The following BCL2 variants were observed in gnomAD, a reference collection of about 807,000 sequenced individuals.
BCL2 encodes BCL2 apoptosis regulator, also known as apoptosis regulator Bcl-2.
A neutral mutation model predicts 14.2 loss-of-function variants in BCL2; 1 was observed. That is an observed-to-expected ratio of 0.07 (90% CI 0.02 to 0.33). The LOEUF is 0.33. Among genes scored for constraint, BCL2 ranks in the 10% least tolerant of loss-of-function variants. BCL2 has a pLI of 0.99. For missense variants in BCL2, 247 were observed against 305.9 expected (o/e 0.81, Z 1.44); for synonymous variants, 151 against 137.2 (o/e 1.10, Z -0.70).
intron 2 of BCL2, among the ~76,000 whole-genome samples, chr18:63,309,174 T>G (rs1913231160): frequency 6.6e-6 from 1 of 152,118 alleles, no homozygotes; most frequent in African/African-American, 2.4e-5. Flanking sequence ...AAAGGTGGGG[T>G]GCAAACAACA....
intron 2 of BCL2, among the ~76,000 whole-genome samples, chr18:63,255,123 C>G (rs2144214585): frequency 6.6e-6 from 1 of 152,288 alleles, no homozygotes; most frequent in African/African-American, 2.4e-5. Context: ...ATCATGACCT[C>G]CATTTTACTG....
At chr18:63,192,722 A>G (rs1361971699) in intron 2 of BCL2, among the ~76,000 whole-genome samples, 4 of 151,208 alleles carry the variant, frequency 2.6e-5, no homozygotes, top group South Asian at 2.1e-4. Context: ...GACCTACATC[A>G]TCAAGACCTC....
intron 2 of BCL2, among the ~76,000 whole-genome samples, chr18:63,253,983 G>A (rs1054171340): frequency 5.4e-5 from 8 of 148,988 alleles, no homozygotes; most frequent in Admixed American, 1.3e-4. Flanking sequence ...TTTCTTTTAC[G>A]TTCTTGAAAT....
At chr18:63,296,881 A>G (rs1331964898) in intron 2 of BCL2, among the ~76,000 whole-genome samples, 1 of 152,242 alleles carries the variant, frequency 6.6e-6, no homozygotes, top group Non-Finnish European at 1.5e-5. Flanking sequence ...TGTGCAATAA[A>G]TGGTTAGCAG....
chr18:63,266,763 C>T (rs1911845135), intron 2 of BCL2, among the ~76,000 whole-genome samples: 1 of 151,970 alleles, frequency 6.6e-6, no homozygotes, highest in African/African-American at 2.4e-5. Flanking sequence ...AGCTGCTTCA[C>T]CACTCAAGCA....
At chr18:63,278,709 T>C (rs1208691218) in intron 2 of BCL2, among the ~76,000 whole-genome samples, 1 of 152,144 alleles carries the variant, frequency 6.6e-6, no homozygotes, top group Non-Finnish European at 1.5e-5. Flanking sequence ...CCTCTACCTA[T>C]CACAATGTTC....
intron 2 of BCL2, among the ~76,000 whole-genome samples, chr18:63,180,358 T>C (rs1348138051): frequency 6.6e-6 from 1 of 152,248 alleles, no homozygotes; most frequent in African/African-American, 2.4e-5. Context: ...CTAGGAAGTC[T>C]TGCTCTTCAG....
intron 2 of BCL2, among the ~76,000 whole-genome samples, chr18:63,310,171 A>G (rs868518514): frequency 6.2e-4 from 95 of 152,218 alleles, no homozygotes; most frequent in African/African-American, 2.1e-3. Flanking sequence ...CCTACCCCAT[A>G]TATTTTTGAT....
rs4941190 is a variant in BCL2, at chr18:63,264,568, G to T, written c.585+53514C>A. On this transcript the variant is annotated intron_variant, in intron 2 of 2. Transcript: ENST00000333681. The stretch of plus-strand genomic sequence containing the variant: ...GATAAAAGCCAGGAAATCACAGCCC[G>T]ATTCCCTGCACTGTCTCCAAATTAC... Among the ~76,000 whole-genome samples the T allele has an allele frequency of 9.0e-3, 1,368 of 152,184 alleles. 21 individuals carry two copies. Among genetic ancestry groups the T allele is most frequent in the African/African-American group, 0.032 (1,314 of 41,470 alleles).
chr18:63,184,328 G>C (rs1010141410), intron 2 of BCL2, among the ~76,000 whole-genome samples: 1 of 152,264 alleles, frequency 6.6e-6, no homozygotes, highest in Non-Finnish European at 1.5e-5. Flanking sequence ...CCTGCAGAGA[G>C]AGCATGGGCT....
chr18:63,239,167 A>C (rs1181156893), intron 2 of BCL2, among the ~76,000 whole-genome samples: 1 of 152,206 alleles, frequency 6.6e-6, no homozygotes. Flanking sequence ...ACTTCACAGG[A>C]TTATATTCTA....
At chr18:63,198,445 CACAG>C (rs1336375370) in intron 2 of BCL2, among the ~76,000 whole-genome samples, 3 of 150,520 alleles carry the variant, frequency 2.0e-5, no homozygotes, top group East Asian at 2.0e-4. Context: ...CACACTGACA[CACAG>C]ACACAGAGAC....
Position 63,131,435 on chromosome 18 carries a change from C to G in BCL2, c.586-2676G>C, listed in dbSNP as rs1914067621. ...TCTTAGCACAGAGCTAAGGCACAAT[C>G]ATGATTGTCTGCCAAGATGCACACC... On this transcript the variant is annotated intron_variant, in intron 2 of 2. Coordinates refer to ENST00000333681, the MANE Select transcript of BCL2 (RefSeq NM_000633.3). Among the ~76,000 whole-genome samples, 3 of 152,220 alleles carry G rather than the reference C, an allele frequency of 2.0e-5. No homozygotes were observed. In the South Asian group the frequency reaches 6.2e-4, roughly 31 times the overall value.
chr18:63,197,290 G>A (rs565829495), intron 2 of BCL2, among the ~76,000 whole-genome samples: 15 of 152,292 alleles, frequency 9.8e-5, no homozygotes, highest in African/African-American at 2.9e-4. Context: ...TCTTTGAGCT[G>A]CTGTCTCCTG....
At chr18:63,300,217 G>C (rs1345849989) in intron 2 of BCL2, among the ~76,000 whole-genome samples, 2 of 152,062 alleles carry the variant, frequency 1.3e-5, no homozygotes, top group Non-Finnish European at 2.9e-5. Flanking sequence ...ACTCCCCCTA[G>C]AAATTACATC....
At chr18:63,265,205 G>C (rs1049869969) in intron 2 of BCL2, among the ~76,000 whole-genome samples, 1 of 152,126 alleles carries the variant, frequency 6.6e-6, no homozygotes, top group African/African-American at 2.4e-5. Flanking sequence ...TTTGGGAAGG[G>C]GAAGGGCCAC....
intron 2 of BCL2, among the ~76,000 whole-genome samples, chr18:63,168,173 T>C (rs1036082720): frequency 5.9e-5 from 9 of 152,230 alleles, no homozygotes; most frequent in African/African-American, 1.7e-4. Context: ...CATGCCTCCT[T>C]GTTCCATCCA....
At chr18:63,220,629 T>A (rs1910365030) in intron 2 of BCL2, among the ~76,000 whole-genome samples, 1 of 152,158 alleles carries the variant, frequency 6.6e-6, no homozygotes, top group Non-Finnish European at 1.5e-5. Flanking sequence ...GCACTTACAA[T>A]CTTGGGGAGA....
intron 2 of BCL2, among the ~76,000 whole-genome samples, chr18:63,200,013 C>G (rs1307913717): frequency 6.6e-6 from 1 of 152,178 alleles, no homozygotes; most frequent in African/African-American, 2.4e-5. Flanking sequence ...TTTCAAGGCT[C>G]AGCTCGTAAC....
Sources: gnomAD v4.1 joint callset for allele counts (sites outside exome capture counted in the v4.1 genomes callset) on GRCh38, gnomAD v4.1.1 for gene constraint, MANE v1.5 for transcripts, NCBI Gene and HGNC (gene_info 2026-07-23, HGNC 2026-07-21) for gene names.